SPOCK3: variants seen among roughly 807,000 people sequenced by gnomAD.
The protein encoded by SPOCK3 is SPARC (osteonectin), cwcv and kazal like domains proteoglycan 3, also known as testican-3.
In SPOCK3, 30 loss-of-function variants were observed where a neutral mutation model predicts 56.6. The ratio of observed to expected loss-of-function variants is 0.53; its 90% CI spans 0.40 to 0.72. The LOEUF is 0.72. SPOCK3 is among the 30% of genes least tolerant of loss of function. The probability of loss-of-function intolerance (pLI) is 0.00; values close to 1 mark genes in which losing one functional copy is unlikely to be tolerated. For missense variants in SPOCK3, 527 were observed against 530.0 expected (o/e 0.99, Z 0.06); for synonymous variants, 196 against 183.3 (o/e 1.07, Z -0.56).
At chr4:166,747,544 A>T (rs1043478910) in intron 8 of SPOCK3, among the ~76,000 whole-genome samples, 1 of 152,184 alleles carries the variant, frequency 6.6e-6, no homozygotes, top group Non-Finnish European at 1.5e-5. Flanking sequence ...AATGGCCAAA[A>T]ACTGGAAGCA....
chr4:166,915,792 T>A (rs903699812), intron 4 of SPOCK3, among the ~76,000 whole-genome samples: 1 of 152,142 alleles, frequency 6.6e-6, no homozygotes, highest in Non-Finnish European at 1.5e-5. Flanking sequence ...ATATTCTAGG[T>A]GCAGAAAAGA....
intron 2 of SPOCK3, among the ~76,000 whole-genome samples, chr4:167,073,548 A>T (rs1009743690): frequency 6.6e-6 from 1 of 151,804 alleles, no homozygotes; most frequent in African/African-American, 2.4e-5. Context: ...GTTAGGTATT[A>T]GGGAGGATGT....
At chr4:167,166,714 C>T (rs17600220) in intron 2 of SPOCK3, among the ~76,000 whole-genome samples, 5,028 of 152,040 alleles carry the variant, frequency 0.033, 126 homozygotes, top group Middle Eastern at 0.071. Context: ...CACTCCTTAG[C>T]GGGAGAATAG....
intron 2 of SPOCK3, among the ~76,000 whole-genome samples, chr4:167,204,650 G>C (rs965022054): frequency 6.6e-6 from 1 of 151,794 alleles, no homozygotes; most frequent in Non-Finnish European, 1.5e-5. Context: ...GAGACACAGA[G>C]CCAGACCATG....
At chr4:166,749,500 G>T (rs996573189) in intron 8 of SPOCK3, among the ~76,000 whole-genome samples, 1 of 151,926 alleles carries the variant, frequency 6.6e-6, no homozygotes, top group Non-Finnish European at 1.5e-5. Context: ...GGTGGGGGGA[G>T]CGGGGAGGGA....
chr4:167,149,909 C>T (rs1344804886), intron 2 of SPOCK3, among the ~76,000 whole-genome samples: 1 of 151,638 alleles, frequency 6.6e-6, no homozygotes, highest in Non-Finnish European at 1.5e-5. Context: ...TGAATTTGAA[C>T]TCAGCCACTT....
At chr4:166,865,708 G>A (rs2126926331) in intron 6 of SPOCK3, among the ~76,000 whole-genome samples, 1 of 152,180 alleles carries the variant, frequency 6.6e-6, no homozygotes, top group South Asian at 2.1e-4. Context: ...AAATACCTAG[G>A]AATACAACTT....
chr4:167,059,067 A>G (rs370240881), intron 3 of SPOCK3, among the ~76,000 whole-genome samples: 11 of 151,870 alleles, frequency 7.2e-5, no homozygotes, highest in Non-Finnish European at 2.9e-5. Context: ...AACCTAGGCA[A>G]TACCATTCAG....
At chr4:167,094,689 C>T (rs951134252) in intron 2 of SPOCK3, among the ~76,000 whole-genome samples, 2 of 152,082 alleles carry the variant, frequency 1.3e-5, no homozygotes, top group African/African-American at 4.8e-5. Context: ...TGATGTGAAA[C>T]TAGACACTTT....
intron 2 of SPOCK3, among the ~76,000 whole-genome samples, chr4:167,104,273 T>G (rs1200737548): frequency 6.6e-6 from 1 of 152,076 alleles, no homozygotes; most frequent in Non-Finnish European, 1.5e-5. Flanking sequence ...GAAATAGAGA[T>G]ATGTGACATT....
chr4:167,125,570 C>T (rs1286576310), intron 2 of SPOCK3, among the ~76,000 whole-genome samples: 4 of 149,096 alleles, frequency 2.7e-5, no homozygotes, highest in African/African-American at 9.8e-5. Flanking sequence ...AAAAATTCGC[C>T]GGGCGTGTTG....
chr4:166,980,247 C>T (rs1190458513), intron 4 of SPOCK3, among the ~76,000 whole-genome samples: 1 of 152,204 alleles, frequency 6.6e-6, no homozygotes, highest in Non-Finnish European at 1.5e-5. Flanking sequence ...CTCTTTTATT[C>T]ATTAATGTAT....
chr4:167,213,650 AT>A (rs2111047312), intron 2 of SPOCK3, among the ~76,000 whole-genome samples: 1 of 152,304 alleles, frequency 6.6e-6, no homozygotes, highest in Non-Finnish European at 1.5e-5. Flanking sequence ...GGAAATAGAA[AT>A]CTCTTTTTCC....
At chr4:166,798,966 G>A (rs1255064613) in intron 6 of SPOCK3, among the ~76,000 whole-genome samples, 1 of 152,042 alleles carries the variant, frequency 6.6e-6, no homozygotes, top group African/African-American at 2.4e-5. Context: ...CCCTATTCTG[G>A]AAACAAATGC....
intron 5 of SPOCK3, among the ~76,000 whole-genome samples, chr4:166,896,318 C>G (rs1225492316): frequency 1.3e-5 from 2 of 152,080 alleles, no homozygotes; most frequent in Non-Finnish European, 2.9e-5. Flanking sequence ...TGTTTGTGCC[C>G]TGCCCCCACC....
At chr4:167,118,829 C>T (rs1248742048) in intron 2 of SPOCK3, among the ~76,000 whole-genome samples, 2 of 152,144 alleles carry the variant, frequency 1.3e-5, no homozygotes, top group Admixed American at 6.6e-5. Context: ...TTCCTAAATA[C>T]TCAGGGGTCA....
intron 8 of SPOCK3, among the ~76,000 whole-genome samples, chr4:166,748,811 T>C (rs1019463754): frequency 2.9e-5 from 4 of 136,310 alleles, no homozygotes; most frequent in Non-Finnish European, 6.2e-5. Context: ...AACAACCCCA[T>C]CAAAAAGTGG....
intron 2 of SPOCK3, among the ~76,000 whole-genome samples, chr4:167,209,235 TG>T (rs1400066210): frequency 6.6e-6 from 1 of 152,122 alleles, no homozygotes; most frequent in Non-Finnish European, 1.5e-5. Context: ...GGAAATGTAG[TG>T]GTTTCTCCTG....
chr4:167,075,696 C>G (rs1282643026), intron 2 of SPOCK3, among the ~76,000 whole-genome samples: 1 of 151,878 alleles, frequency 6.6e-6, no homozygotes, highest in Non-Finnish European at 1.5e-5. Context: ...GGCTGGAATT[C>G]AGTAGCATGA....
Sources: allele counts gnomAD v4.1 joint callset (sites outside exome capture counted in the v4.1 genomes callset), GRCh38; gene constraint gnomAD v4.1.1; transcripts MANE v1.5; gene names NCBI Gene and HGNC (gene_info 2026-07-23, HGNC 2026-07-21).